ZNF138: variants seen among roughly 807,000 people sequenced by gnomAD.
ZNF138 encodes zinc finger protein 138 (clone pHZ-32).
In ZNF138, 33 loss-of-function variants were observed where a neutral mutation model predicts 33.0. The ratio of observed to expected loss-of-function variants is 1.00; its 90% CI spans 0.76 to 1.34. The LOEUF is 1.34. Ranked by LOEUF, ZNF138 falls within the 40% of genes most tolerant of loss-of-function variation. The pLI is 0.00. For missense variants in ZNF138, 360 were observed against 370.8 expected (o/e 0.97, Z 0.24); for synonymous variants, 139 against 120.4 (o/e 1.15, Z -1.01).
chr7:64,810,308 G>A (rs1285966106), intron 1 of ZNF138, among the ~76,000 whole-genome samples: 7 of 148,130 alleles, frequency 4.7e-5, no homozygotes, highest in South Asian at 2.2e-4. Flanking sequence ...CCAGTCAGGC[G>A]TGGTGGCGCG....
intron 3 of ZNF138, chr7:64,831,014 C>T (rs1390855074): frequency 1.3e-6 from 2 of 1,551,898 alleles, no homozygotes; most frequent in South Asian, 2.4e-5. Flanking sequence ...TGTTTCAGCA[C>T]TTTATGTCAT....
At chr7:64,802,915 G>GT (rs1263525815) in intron 1 of ZNF138, among the ~76,000 whole-genome samples, 1 of 148,990 alleles carries the variant, frequency 6.7e-6, no homozygotes, top group African/African-American at 2.5e-5. Flanking sequence ...CTTGTCTTAT[G>GT]TTAAAAAAAA....
At chr7:64,836,489 T>C (rs1583913955), downstream of ZNF138, 1 of 152,280 alleles carries the variant, frequency 6.6e-6, no homozygotes, top group African/African-American at 2.4e-5. Context: ...ATGCGGATCT[T>C]AGCTACTGGA....
chr7:64,808,863 T>A (rs1787834919), intron 1 of ZNF138, among the ~76,000 whole-genome samples: 1 of 136,926 alleles, frequency 7.3e-6, no homozygotes, highest in Admixed American at 7.5e-5. Flanking sequence ...TAACCCTGAG[T>A]GGACACAGCA....
At chr7:64,826,079 A>G (rs1179793360) in intron 3 of ZNF138, among the ~76,000 whole-genome samples, 3 of 149,678 alleles carry the variant, frequency 2.0e-5, no homozygotes, top group African/African-American at 4.9e-5. Flanking sequence ...TCAAGTGAAT[A>G]GCCCCCCTTG....
At chr7:64,842,266 G>A in the ZNF138 span, among the ~76,000 whole-genome samples, 2 of 151,806 alleles carry the variant, frequency 1.3e-5, no homozygotes, top group Non-Finnish European at 2.9e-5. Flanking sequence ...GTTTCACCAT[G>A]TTGGCCAGGC....
the ZNF138 span, among the ~76,000 whole-genome samples, chr7:64,858,547 GAT>G: frequency 6.6e-6 from 1 of 152,152 alleles, no homozygotes; most frequent in Non-Finnish European, 1.5e-5. Context: ...GAGTCTTCAG[GAT>G]ATGATTCAGT....
At chr7:64,809,799 G>GCTGCGATC (rs1309095575) in intron 1 of ZNF138, among the ~76,000 whole-genome samples, 1 of 135,420 alleles carries the variant, frequency 7.4e-6, no homozygotes. Context: ...CCGGGCAGAG[G>GCTGCGATC]TGCTCCTCAC....
the ZNF138 span, among the ~76,000 whole-genome samples, chr7:64,858,683 C>G: frequency 6.6e-6 from 1 of 152,176 alleles, no homozygotes; most frequent in African/African-American, 2.4e-5. Flanking sequence ...ATTCTACTCT[C>G]TGCTTCTATT....
At chr7:64,839,694 G>A in the ZNF138 span, among the ~76,000 whole-genome samples, 9 of 152,168 alleles carry the variant, frequency 5.9e-5, no homozygotes, top group Admixed American at 1.3e-4. Context: ...GAAATGGACC[G>A]ATGGCCGTGG....
intron 1 of ZNF138, among the ~76,000 whole-genome samples, chr7:64,805,518 G>A (rs544626588): frequency 5.3e-5 from 8 of 152,266 alleles, no homozygotes; most frequent in South Asian, 4.1e-4. Flanking sequence ...GCCTCACTCC[G>A]ATGTGGCACT....
At chr7:64,851,082 T>C in the ZNF138 span, among the ~76,000 whole-genome samples, 1 of 152,214 alleles carries the variant, frequency 6.6e-6, no homozygotes, top group South Asian at 2.1e-4. Flanking sequence ...CTTGCTTACC[T>C]ATCATTTTTT....
intron 1 of ZNF138, among the ~76,000 whole-genome samples, chr7:64,803,527 T>C (rs1330156331): frequency 6.6e-6 from 1 of 152,196 alleles, no homozygotes; most frequent in Non-Finnish European, 1.5e-5. Context: ...GAGTCTGTGG[T>C]TGTGCTTTGG....
intron 3 of ZNF138, among the ~76,000 whole-genome samples, chr7:64,825,506 C>A (rs1022126137): frequency 4.1e-5 from 6 of 147,492 alleles, no homozygotes; most frequent in African/African-American, 1.5e-4. Context: ...CGGGCATTTT[C>A]TTTTTCTTTT....
At chr7:64,845,201 G>C in the ZNF138 span, among the ~76,000 whole-genome samples, 1 of 152,320 alleles carries the variant, frequency 6.6e-6, no homozygotes, top group Non-Finnish European at 1.5e-5. Context: ...TTCCATTCCT[G>C]AGTTACTTCA....
intron 1 of ZNF138, among the ~76,000 whole-genome samples, chr7:64,805,178 C>G (rs1003806139): frequency 2.0e-5 from 3 of 152,046 alleles, no homozygotes; most frequent in Admixed American, 1.3e-4. Context: ...GTGGGTGGAT[C>G]ACGAGGTCAG....
chr7:64,846,748 T>A, the ZNF138 span, among the ~76,000 whole-genome samples: 5 of 152,308 alleles, frequency 3.3e-5, no homozygotes, highest in Admixed American at 3.3e-4. Context: ...GGATGCCCTT[T>A]ATTTCTTTCT....
chr7:64,852,865 T>A, the ZNF138 span: 1 of 876,784 alleles, frequency 1.1e-6, no homozygotes, highest in Non-Finnish European at 2.0e-6. Flanking sequence ...AGGGGTTTAG[T>A]ACTGTTTGGC....
At chr7:64,848,814 C>T in the ZNF138 span, among the ~76,000 whole-genome samples, 1 of 149,064 alleles carries the variant, frequency 6.7e-6, no homozygotes, top group East Asian at 2.0e-4. Context: ...ACGCCATTCT[C>T]CTGCCTCAGC....
Sources: gnomAD v4.1 joint callset for allele counts (sites outside exome capture counted in the v4.1 genomes callset) on GRCh38, gnomAD v4.1.1 for gene constraint, MANE v1.5 for transcripts, NCBI Gene and HGNC (gene_info 2026-07-23, HGNC 2026-07-21) for gene names.